ITPR1: variants seen among roughly 807,000 people sequenced by gnomAD.
ITPR1 encodes the protein inositol 1,4,5-trisphosphate-gated calcium channel ITPR1.
In ITPR1, 96 loss-of-function variants were observed where a neutral mutation model predicts 318.4. That is an observed-to-expected ratio of 0.30 (90% CI 0.26 to 0.36). ITPR1 has a LOEUF of 0.36. Ranked by LOEUF, ITPR1 falls within the 10% of genes least tolerant of loss-of-function variation. The probability of loss-of-function intolerance (pLI) is 1.00; values close to 1 mark genes in which losing one functional copy is unlikely to be tolerated. For synonymous variants in ITPR1, 1,312 were observed against 1,289.9 expected (o/e 1.02, Z -0.37); for missense variants, 2,440 against 3,460.2 (o/e 0.71, Z 7.40).
intron 5 of ITPR1, among the ~76,000 whole-genome samples, chr3:4,637,319 A>T (rs111913291): frequency 9.2e-5 from 14 of 152,230 alleles, no homozygotes; most frequent in Non-Finnish European, 1.9e-4. Flanking sequence ...TTCCAAATGG[A>T]TGCAGTCCAA....
intron 44 of ITPR1, among the ~76,000 whole-genome samples, chr3:4,754,048 TG>T (rs1553727648): frequency 4.3e-5 from 4 of 92,542 alleles, no homozygotes; most frequent in African/African-American, 1.5e-4. Context: ...ACACAGAAAA[TG>T]GGGGGGGGGT....
At chr3:4,538,201 A>G (rs889402110) in intron 4 of ITPR1, among the ~76,000 whole-genome samples, 3 of 152,174 alleles carry the variant, frequency 2.0e-5, no homozygotes, top group Non-Finnish European at 2.9e-5. Flanking sequence ...AATTTACAAG[A>G]AAAAAACCAA....
intron 4 of ITPR1, among the ~76,000 whole-genome samples, chr3:4,533,966 C>T (rs772911717): frequency 3.3e-5 from 5 of 152,206 alleles, no homozygotes; most frequent in Non-Finnish European, 7.3e-5. Flanking sequence ...TATTGCCAAT[C>T]TGCTCTTTCC....
intron 6 of ITPR1, among the ~76,000 whole-genome samples, chr3:4,641,038 G>A (rs2093325882): frequency 6.6e-6 from 1 of 152,192 alleles, no homozygotes; most frequent in Non-Finnish European, 1.5e-5. Context: ...CGGGGATTTG[G>A]AGGACCTCCT....
At chr3:4,794,437 G>A (rs181545079) in intron 52 of ITPR1, among the ~76,000 whole-genome samples, 58 of 152,276 alleles carry the variant, frequency 3.8e-4, no homozygotes, top group South Asian at 1.7e-3. Context: ...TGTACCCCTC[G>A]CTTCCCTGTC....
chr3:4,523,964 T>G (rs1258068925), intron 4 of ITPR1, among the ~76,000 whole-genome samples: 3 of 152,220 alleles, frequency 2.0e-5, no homozygotes, highest in Admixed American at 6.5e-5. Context: ...CCTGGCCTGG[T>G]TCTACAGGTG....
chr3:4,499,148 T>C (rs1366159106), intron 2 of ITPR1, among the ~76,000 whole-genome samples: 1 of 152,198 alleles, frequency 6.6e-6, no homozygotes, highest in Non-Finnish European at 1.5e-5. Flanking sequence ...AGACCCCATC[T>C]CTGTTAAAAA....
chr3:4,648,750 C>T (rs1398212689), intron 10 of ITPR1, among the ~76,000 whole-genome samples: 2 of 152,202 alleles, frequency 1.3e-5, no homozygotes, highest in African/African-American at 4.8e-5. Context: ...GCGGAGGTTG[C>T]AGTGAGCCAA....
chr3:4,749,030 A>G (rs1447405491), intron 44 of ITPR1, among the ~76,000 whole-genome samples: 1 of 152,156 alleles, frequency 6.6e-6, no homozygotes, highest in Non-Finnish European at 1.5e-5. Flanking sequence ...CGGTGACATG[A>G]CCCAGAACCA....
At chr3:4,783,742 A>C (rs951312010) in intron 50 of ITPR1, 74 bp from the exon 51 acceptor site, 39 of 1,174,882 alleles carry the variant, frequency 3.3e-5, no homozygotes, top group Non-Finnish European at 4.7e-5. Flanking sequence ...TAAATACCCA[A>C]CATGAGAAAG....
At chr3:4,659,497 A>G (rs2093786499) in intron 13 of ITPR1, among the ~76,000 whole-genome samples, 1 of 152,132 alleles carries the variant, frequency 6.6e-6, no homozygotes, top group Non-Finnish European at 1.5e-5. Flanking sequence ...CCAGCTGGAC[A>G]ACATGACAAA....
chr3:4,605,204 G>A (rs1242849149), intron 4 of ITPR1, among the ~76,000 whole-genome samples: 1 of 152,030 alleles, frequency 6.6e-6, no homozygotes, highest in South Asian at 2.1e-4. Flanking sequence ...ACTCCACCTC[G>A]GCCTCCCAAA....
intron 4 of ITPR1, among the ~76,000 whole-genome samples, chr3:4,564,216 C>T (rs533240361): frequency 6.6e-6 from 1 of 152,290 alleles, no homozygotes; most frequent in South Asian, 2.1e-4. Flanking sequence ...GCTGGGATTA[C>T]AGGCGTGAGC....
chr3:4,765,573 T>A (rs530314243), intron 44 of ITPR1, among the ~76,000 whole-genome samples: 15 of 152,298 alleles, frequency 9.8e-5, no homozygotes, highest in Non-Finnish European at 1.6e-4. Context: ...TAGGACTGCC[T>A]TCTGTAGGGA....
chr3:4,657,692 G>A (rs1015103787), intron 12 of ITPR1, among the ~76,000 whole-genome samples: 3 of 106,756 alleles, frequency 2.8e-5, no homozygotes, highest in African/African-American at 1.2e-4. Context: ...TTGAACTCCC[G>A]AACTGAGGTG....
At chr3:4,766,793 G>T (rs41308265) in intron 45 of ITPR1, 83 bp downstream of exon 45, 1 of 1,169,362 alleles carries the variant, frequency 8.6e-7, no homozygotes, top group Admixed American at 2.7e-5. Context: ...CATTACTTCT[G>T]TGCTCTAAAA....
intron 44 of ITPR1, among the ~76,000 whole-genome samples, chr3:4,764,248 A>G (rs1347372323): frequency 1.3e-5 from 2 of 152,224 alleles, no homozygotes; most frequent in African/African-American, 4.8e-5. Flanking sequence ...TTGCTTTCTC[A>G]TATTTGAGCA....
intron 3 of ITPR1, among the ~76,000 whole-genome samples, chr3:4,520,663 C>A (rs574382313): frequency 1.3e-5 from 2 of 152,320 alleles, no homozygotes; most frequent in South Asian, 4.1e-4. Flanking sequence ...GGGCCTGGCT[C>A]ATATTCACCT....
At chr3:4,722,599 A>G (rs2125301881) in intron 40 of ITPR1, among the ~76,000 whole-genome samples, 1 of 152,290 alleles carries the variant, frequency 6.6e-6, no homozygotes, top group South Asian at 2.1e-4. Flanking sequence ...ATATGCTTAT[A>G]TTTATTGAAA....
Sources: allele counts gnomAD v4.1 joint callset (sites outside exome capture counted in the v4.1 genomes callset), GRCh38; gene constraint gnomAD v4.1.1; transcripts MANE v1.5; gene names NCBI Gene and HGNC (gene_info 2026-07-23, HGNC 2026-07-21).